Variants in PCDH15 observed in about 807,000 individuals in gnomAD.
PCDH15 encodes the protein protocadherin-15.
PCDH15 carries 129 observed loss-of-function variants against 178.5 expected under a neutral mutation model. The ratio of observed to expected loss-of-function variants is 0.72; its 90% CI spans 0.63 to 0.84. PCDH15 has a LOEUF of 0.84. Ranked by LOEUF, PCDH15 falls within the 40% of genes least tolerant of loss-of-function variation. The pLI, the probability that PCDH15 is intolerant of heterozygous loss-of-function variation, is 0.00. For synonymous variants in PCDH15, 800 were observed against 732.0 expected (o/e 1.09, Z -1.50); for missense variants, 2,230 against 2,099.9 (o/e 1.06, Z -1.21).
At chr10:53,850,103 A>C (rs2078260571) in intron 28 of PCDH15, among the ~76,000 whole-genome samples, 1 of 152,062 alleles carries the variant, frequency 6.6e-6, no homozygotes, top group African/African-American at 2.4e-5. Flanking sequence ...CGTAAAATAA[A>C]ACCTTTTAAC....
chr10:54,662,362 C>T (rs558361368), intron 2 of PCDH15, among the ~76,000 whole-genome samples: 73 of 151,936 alleles, frequency 4.8e-4, no homozygotes, highest in African/African-American at 1.7e-3. Flanking sequence ...ACCATTTCAT[C>T]CCAGTCCATT....
chr10:54,671,597 C>G lies in PCDH15; in HGVS notation c.-28-7307G>C, dbSNP rs10763123. Among the ~76,000 whole-genome samples the G allele has an allele frequency of 4.6e-3, 703 of 151,960 alleles. 6 individuals carry two copies. Among genetic ancestry groups the G allele is most frequent in the Middle Eastern group, 0.024 (7 of 292 alleles). On this transcript the variant is annotated intron_variant, in intron 1 of 37. Transcript: ENST00000644397. ...ATCCATTTTATTCTTCTGTAATTGA[C>G]AGATGAAAATTTGAACAAAAAATAA...
At chr10:54,464,131 G>A (rs1319940550) in intron 3 of PCDH15, among the ~76,000 whole-genome samples, 3 of 152,104 alleles carry the variant, frequency 2.0e-5, no homozygotes, top group African/African-American at 4.8e-5. Flanking sequence ...TCAGTAGAGG[G>A]AATGGGTACA....
intron 1 of PCDH15, among the ~76,000 whole-genome samples, chr10:55,315,477 T>C (rs1051254105): frequency 6.6e-6 from 1 of 152,118 alleles, no homozygotes; most frequent in African/African-American, 2.4e-5. Flanking sequence ...ATAGTCTATA[T>C]TGTGCTAAAT....
At chr10:54,822,993 T>G (rs1343118344) in intron 3 of PCDH15, among the ~76,000 whole-genome samples, 1 of 152,078 alleles carries the variant, frequency 6.6e-6, no homozygotes, top group Non-Finnish European at 1.5e-5. Flanking sequence ...GAAATACTCC[T>G]GCCTCAGCCT....
At chr10:55,384,720 C>T (rs1384349794) in intron 2 of PCDH15, among the ~76,000 whole-genome samples, 1 of 151,890 alleles carries the variant, frequency 6.6e-6, no homozygotes, top group African/African-American at 2.4e-5. Flanking sequence ...ACAAATGTAG[C>T]ATGGAATAAA....
chr10:53,980,233 G>A (rs1219293217), intron 21 of PCDH15, among the ~76,000 whole-genome samples: 8 of 127,438 alleles, frequency 6.3e-5, no homozygotes, highest in Admixed American at 7.9e-5. Flanking sequence ...AAAAAAAAAA[G>A]AAAAAAACTT....
At chr10:54,410,157 G>T (rs1015610350) in intron 3 of PCDH15, among the ~76,000 whole-genome samples, 3 of 152,086 alleles carry the variant, frequency 2.0e-5, no homozygotes. Context: ...AAACAGGGCT[G>T]GGTTGATAAT....
intron 3 of PCDH15, among the ~76,000 whole-genome samples, chr10:54,818,701 AC>A (rs1226198042): frequency 6.6e-6 from 1 of 151,836 alleles, no homozygotes; most frequent in Non-Finnish European, 1.5e-5. Context: ...CGTTATTCTA[AC>A]CCCCTCCCCG....
intron 2 of PCDH15, among the ~76,000 whole-genome samples, chr10:55,502,671 A>C (rs1840681477): frequency 6.6e-6 from 1 of 151,622 alleles, no homozygotes; most frequent in African/African-American, 2.4e-5. Flanking sequence ...ACTCTATTCT[A>C]GGCTCTAACA....
At chr10:55,590,464 G>T (rs1354284498) in intron 2 of PCDH15, among the ~76,000 whole-genome samples, 1 of 151,648 alleles carries the variant, frequency 6.6e-6, no homozygotes, top group Non-Finnish European at 1.5e-5. Flanking sequence ...AAGTATAATA[G>T]TAATAAAATA....
At chr10:53,924,600 G>A (rs773014815) in intron 25 of PCDH15, among the ~76,000 whole-genome samples, 7 of 152,234 alleles carry the variant, frequency 4.6e-5, no homozygotes, top group Non-Finnish European at 1.0e-4. Context: ...CTCCGCCTGC[G>A]GCCCCAGTGC....
chr10:53,869,783 A>G (rs2079704474), intron 26 of PCDH15, among the ~76,000 whole-genome samples: 1 of 152,152 alleles, frequency 6.6e-6, no homozygotes, highest in South Asian at 2.1e-4. Flanking sequence ...TCTCTTGAAA[A>G]AAAAAAATTA....
intron 2 of PCDH15, among the ~76,000 whole-genome samples, chr10:54,543,052 C>A (rs537481633): frequency 6.4e-4 from 98 of 152,292 alleles, no homozygotes; most frequent in African/African-American, 2.3e-3. Context: ...TGCAGGCCAC[C>A]CACTGGTGGA....
chr10:55,401,295 A>T (rs984517198), intron 2 of PCDH15, among the ~76,000 whole-genome samples: 1 of 152,062 alleles, frequency 6.6e-6, no homozygotes, highest in Non-Finnish European at 1.5e-5. Context: ...TGATAAGACT[A>T]TCTGCCTGGG....
intron 2 of PCDH15, among the ~76,000 whole-genome samples, chr10:55,328,327 T>C (rs902298685): frequency 3.3e-5 from 5 of 151,810 alleles, no homozygotes; most frequent in East Asian, 1.9e-4. Context: ...GTGAATATCA[T>C]TGAGCGTACC....
chr10:54,978,631 A>T (rs1466910024), intron 2 of PCDH15, among the ~76,000 whole-genome samples: 4 of 152,136 alleles, frequency 2.6e-5, no homozygotes, highest in Non-Finnish European at 5.9e-5. Flanking sequence ...CTGTTTTCCA[A>T]GAAGACTCAC....
chr10:55,621,657 T>C (rs1264783679), intron 2 of PCDH15, among the ~76,000 whole-genome samples: 1 of 152,066 alleles, frequency 6.6e-6, no homozygotes, highest in African/African-American at 2.4e-5. Context: ...TGATGTGAAG[T>C]GGAAGAGTTT....
At chr10:54,386,096 TTAGTTG>T (rs1565145684) in intron 3 of PCDH15, among the ~76,000 whole-genome samples, 2 of 124,196 alleles carry the variant, frequency 1.6e-5, no homozygotes, top group African/African-American at 3.0e-5. Context: ...AATTTAGTTA[TTAGTTG>T]TGTGTGTGTG....
Sources: gnomAD v4.1 joint callset for allele counts (sites outside exome capture counted in the v4.1 genomes callset) on GRCh38, gnomAD v4.1.1 for gene constraint, MANE v1.5 for transcripts, NCBI Gene and HGNC (gene_info 2026-07-23, HGNC 2026-07-21) for gene names.